AGBL1: variants seen among roughly 807,000 people sequenced by gnomAD.
The protein encoded by AGBL1 is AGBL carboxypeptidase 1.
AGBL1 carries 130 observed loss-of-function variants against 118.9 expected under a neutral mutation model. The ratio of observed to expected loss-of-function variants is 1.09; its 90% CI spans 0.95 to 1.26. AGBL1 has a LOEUF of 1.26. AGBL1 is among the 50% of genes most tolerant of loss of function. The probability of loss-of-function intolerance (pLI) is 0.00; values close to 1 mark genes in which losing one functional copy is unlikely to be tolerated. For synonymous variants in AGBL1, 555 were observed against 478.9 expected (o/e 1.16, Z -2.08); for missense variants, 1,584 against 1,298.1 (o/e 1.22, Z -3.38).
At chr15:86,745,047 A>G (rs962102834) in intron 22 of AGBL1, among the ~76,000 whole-genome samples, 2 of 152,092 alleles carry the variant, frequency 1.3e-5, no homozygotes, top group African/African-American at 4.8e-5. Flanking sequence ...AAGGTAATAG[A>G]GTATGTCTTT....
At chr15:87,023,920 A>C (rs138723254) in intron 24 of AGBL1, among the ~76,000 whole-genome samples, 1 of 152,108 alleles carries the variant, frequency 6.6e-6, no homozygotes, top group Non-Finnish European at 1.5e-5. Flanking sequence ...GAAAATTAAA[A>C]AATTCTTTGA....
intron 17 of AGBL1, among the ~76,000 whole-genome samples, chr15:86,369,922 T>A (rs1239119711): frequency 6.6e-6 from 1 of 152,162 alleles, no homozygotes; most frequent in Non-Finnish European, 1.5e-5. Context: ...CTAATTGGCA[T>A]ATATAGAATT....
chr15:86,460,390 G>C (rs1353921542), intron 18 of AGBL1, among the ~76,000 whole-genome samples: 1 of 150,934 alleles, frequency 6.6e-6, no homozygotes, highest in Non-Finnish European at 1.5e-5. Flanking sequence ...TAGCTACTTG[G>C]GAGGCTGAGG....
chr15:86,785,514 A>G (rs2078398582), intron 22 of AGBL1, among the ~76,000 whole-genome samples: 1 of 151,904 alleles, frequency 6.6e-6, no homozygotes, highest in African/African-American at 2.4e-5. Context: ...AGCTAGGACT[A>G]CAGGCGCACA....
intron 13 of AGBL1, 26 bp downstream of exon 13, chr15:86,267,102 G>A (rs766226400): frequency 1.2e-5 from 18 of 1,520,758 alleles, no homozygotes; most frequent in South Asian, 6.0e-5. Context: ...CACAGTGGGT[G>A]TCTCCTGTCA....
intron 17 of AGBL1, among the ~76,000 whole-genome samples, chr15:86,367,912 G>A (rs2080915412): frequency 6.6e-6 from 1 of 152,170 alleles, no homozygotes; most frequent in African/African-American, 2.4e-5. Context: ...AGACTAGAAG[G>A]AGACGTGGTA....
chr15:86,826,938 T>G lies in AGBL1; in HGVS notation c.3159-80149T>G, dbSNP rs528225320. Among the ~76,000 whole-genome samples the G allele has an allele frequency of 3.3e-5, 5 of 152,112 alleles. No individual in the cohort carries two copies. The East Asian group carries it at 9.7e-4, about 30-fold the overall frequency. ...ATAATGGGTAAGAACACTGTCATAG[T>G]AATCTGGATGTCTCAACCTGTAGAA... On this transcript the variant is annotated intron_variant, in intron 22 of 22. Transcript: ENST00000614907.
At chr15:86,556,562 G>A (rs376845349) in intron 21 of AGBL1, among the ~76,000 whole-genome samples, 143 of 152,316 alleles carry the variant, frequency 9.4e-4, no homozygotes, top group African/African-American at 3.3e-3. Flanking sequence ...TTACATATGG[G>A]GGGGCCCACC....
intron 1 of AGBL1, among the ~76,000 whole-genome samples, chr15:86,081,903 G>A (rs575255083): frequency 6.6e-6 from 1 of 152,308 alleles, no homozygotes; most frequent in African/African-American, 2.4e-5. Flanking sequence ...AGTGAGAATT[G>A]ATAATTGATG....
At chr15:86,459,102 G>A (rs951647047) in intron 18 of AGBL1, among the ~76,000 whole-genome samples, 4 of 152,056 alleles carry the variant, frequency 2.6e-5, no homozygotes, top group African/African-American at 9.7e-5. Context: ...GCTTCTCTCT[G>A]GCTTATATTC....
At chr15:86,860,501 A>G (rs2079545711) in intron 22 of AGBL1, among the ~76,000 whole-genome samples, 1 of 152,022 alleles carries the variant, frequency 6.6e-6, no homozygotes, top group South Asian at 2.1e-4. Flanking sequence ...AGTGAGAAAG[A>G]GTTAACTGCA....
chr15:86,364,160 G>A (rs2080844806), intron 17 of AGBL1, among the ~76,000 whole-genome samples: 1 of 152,006 alleles, frequency 6.6e-6, no homozygotes, highest in Non-Finnish European at 1.5e-5. Flanking sequence ...CCATCACTTA[G>A]CTTCCCTTAC....
intron 24 of AGBL1, among the ~76,000 whole-genome samples, chr15:86,990,121 A>T (rs913101545): frequency 7.2e-5 from 11 of 152,176 alleles, no homozygotes; most frequent in Admixed American, 7.2e-4. Flanking sequence ...TTATTTGTGG[A>T]AGATAGAAAG....
rs573517229 is a variant in AGBL1, at chr15:86,780,390, A to G, written c.3158+105954A>G. On this transcript the variant is annotated intron_variant, in intron 22 of 22. Coordinates refer to ENST00000614907, the MANE Select transcript of AGBL1 (RefSeq NM_001386094.1). ...TAATATAGATTTATAACAGCTCTCA[A>G]TATCTTATTGGGTATGTCCTTCATG... 1.6e-4 allele frequency among the ~76,000 whole-genome samples: 24 copies of G among 152,282 alleles called. No individual in the cohort carries two copies. The East Asian group carries it at 2.1e-3, about 13-fold the overall frequency.
intron 18 of AGBL1, among the ~76,000 whole-genome samples, chr15:86,468,468 C>G (rs941861306): frequency 6.6e-6 from 1 of 152,142 alleles, no homozygotes; most frequent in African/African-American, 2.4e-5. Context: ...CATTTTGATT[C>G]AGGCTAATTC....
At chr15:86,270,671 G>C (rs1567169652) in intron 14 of AGBL1, among the ~76,000 whole-genome samples, 1 of 152,166 alleles carries the variant, frequency 6.6e-6, no homozygotes. Flanking sequence ...CAAGTGCAGG[G>C]TACTGTCTCT....
intron 18 of AGBL1, among the ~76,000 whole-genome samples, chr15:86,519,954 G>A (rs766303039): frequency 6.6e-6 from 1 of 152,036 alleles, no homozygotes; most frequent in Non-Finnish European, 1.5e-5. Flanking sequence ...TTATTTCTTT[G>A]CATTTTTTCT....
At chr15:86,581,658 G>T (rs767113305) in intron 21 of AGBL1, among the ~76,000 whole-genome samples, 2 of 152,110 alleles carry the variant, frequency 1.3e-5, no homozygotes, top group Non-Finnish European at 2.9e-5. Flanking sequence ...CCCATGAATG[G>T]GTTGAGTACA....
intron 1 of AGBL1, among the ~76,000 whole-genome samples, chr15:86,131,375 A>T (rs924707105): frequency 1.3e-5 from 2 of 152,156 alleles, no homozygotes; most frequent in East Asian, 3.8e-4. Context: ...AAATCATCAC[A>T]GTTTGGATTT....
Sources: gnomAD v4.1 joint callset for allele counts (sites outside exome capture counted in the v4.1 genomes callset) on GRCh38, gnomAD v4.1.1 for gene constraint, MANE v1.5 for transcripts, NCBI Gene and HGNC (gene_info 2026-07-23, HGNC 2026-07-21) for gene names.